The following PCDHGB4 variants were observed in gnomAD, a reference collection of about 807,000 sequenced individuals.
PCDHGB4 encodes protocadherin gamma-B4.
In PCDHGB4, 38 loss-of-function variants were observed where a neutral mutation model predicts 60.5. That is an observed-to-expected ratio of 0.63 (90% CI 0.48 to 0.82). The LOEUF is 0.82. Ranked by LOEUF, PCDHGB4 falls within the 40% of genes least tolerant of loss-of-function variation. PCDHGB4 has a pLI of 0.00. For missense variants in PCDHGB4, 1,109 were observed against 1,209.6 expected (o/e 0.92, Z 1.23); for synonymous variants, 456 against 509.7 (o/e 0.89, Z 1.42).
intron 1 of PCDHGB4, chr5:141,398,523 A>T (rs988295276): frequency 6.2e-7 from 1 of 1,613,602 alleles, no homozygotes; most frequent in Non-Finnish European, 8.5e-7. Context: ...ACACGCCAAA[A>T]TTCACGCAAA....
intron 1 of PCDHGB4, chr5:141,415,324 G>A (rs2095854761): frequency 1.9e-6 from 3 of 1,614,108 alleles, no homozygotes; most frequent in African/African-American, 2.7e-5. Flanking sequence ...CGTGCTGCTG[G>A]CGCACAGGCT....
At position 141,496,642 on chromosome 5, in the gene PCDHGB4, G is replaced by C. The variant is rs1053400475; in HGVS notation, c.2456+1777G>C. Among the ~76,000 whole-genome samples the C allele has an allele frequency of 6.6e-5, 10 of 152,318 alleles. No individual in the cohort carries two copies. In the East Asian group the frequency reaches 1.5e-3, roughly 24 times the overall value. ...AGATCAAAAGGCTTGGGCTGCCCTT[G>C]CCCTTCCTTTGACCCCAGCTGTTGT... On this transcript the variant is annotated intron_variant, in intron 2 of 3. Transcript: ENST00000519479.
chr5:141,405,398 CT>C, intron 1 of PCDHGB4: 1 of 1,590,264 alleles, frequency 6.3e-7, no homozygotes, highest in Non-Finnish European at 8.6e-7. Context: ...TTTTTTCTTT[CT>C]TTCTTTTCTT....
At chr5:141,426,538 C>T (rs1038881219) in intron 1 of PCDHGB4, 2 of 346,308 alleles carry the variant, frequency 5.8e-6, no homozygotes, top group Non-Finnish European at 1.2e-5. Context: ...TGGGAACATA[C>T]TTGTGAGTGA....
intron 1 of PCDHGB4, chr5:141,422,401 C>G: frequency 6.3e-7 from 1 of 1,598,896 alleles, no homozygotes; most frequent in Non-Finnish European, 8.5e-7. Context: ...TAACCACCTG[C>G]CTTTTAAATT....
chr5:141,510,529 A>G (rs2099881539), intron 3 of PCDHGB4, among the ~76,000 whole-genome samples: 2 of 152,242 alleles, frequency 1.3e-5, no homozygotes, highest in Admixed American at 6.5e-5. Flanking sequence ...CCCTGAGAGA[A>G]ATACCAGCGA....
chr5:141,444,341 T>C (rs909401337), intron 1 of PCDHGB4, among the ~76,000 whole-genome samples: 2 of 151,892 alleles, frequency 1.3e-5, no homozygotes, highest in African/African-American at 4.8e-5. Context: ...CCAGCTAATT[T>C]TGTATTTTTA....
At chr5:141,409,687 C>A (rs1190888512) in intron 1 of PCDHGB4, 2 of 1,613,202 alleles carry the variant, frequency 1.2e-6, no homozygotes, top group East Asian at 4.5e-5. Context: ...TGGCGAGTGA[C>A]CTAGAGCCCC....
chr5:141,450,565 C>A (rs1024229182), intron 1 of PCDHGB4, among the ~76,000 whole-genome samples: 4 of 152,016 alleles, frequency 2.6e-5, no homozygotes, highest in African/African-American at 9.7e-5. Flanking sequence ...CGGCTCACTG[C>A]AACTTCTGCC....
rs760680204 is a variant in PCDHGB4, at chr5:141,477,505, CG to C, written c.2398-17301del. ...CACAATCTTCTCAATCTTCCTACGA[CG>C]TTTACATTGAAGAAAACAACCTCCC... On this transcript the variant is annotated intron_variant, in intron 1 of 3. Coordinates refer to ENST00000519479, the MANE Select transcript of PCDHGB4 (RefSeq NM_003736.4). The surrounding 1 kb of genome is among the most constrained non-coding windows in gnomAD (Gnocchi z 4.9). The C allele has an allele frequency of 1.2e-5, 19 of 1,614,008 alleles. No individual in the cohort carries two copies. The highest frequency in any genetic ancestry group is 8.5e-7 in the Non-Finnish European group (1 of 1,180,018).
chr5:141,423,573 C>G, intron 1 of PCDHGB4: 1 of 1,613,488 alleles, frequency 6.2e-7, no homozygotes, highest in South Asian at 1.1e-5. Context: ...CGCTCATCAG[C>G]CAGGAGAGCT....
At chr5:141,419,273 G>A (rs751868316) in intron 1 of PCDHGB4, 2 of 1,614,034 alleles carry the variant, frequency 1.2e-6, no homozygotes, top group South Asian at 1.1e-5. Flanking sequence ...TGCCTCCATA[G>A]CGCAAGTCAG....
intron 1 of PCDHGB4, chr5:141,427,535 C>T (rs746067304): frequency 8.0e-6 from 5 of 626,498 alleles, no homozygotes; most frequent in South Asian, 7.6e-5. Flanking sequence ...CGGAGTACAA[C>T]GTCACCATCA....
chr5:141,413,387 T>G (rs902208287), intron 1 of PCDHGB4: 1 of 1,613,908 alleles, frequency 6.2e-7, no homozygotes, highest in Non-Finnish European at 8.5e-7. Context: ...GTCCGCATAG[T>G]CTCCAGAGGT....
chr5:141,418,946 G>T (rs2096305161), intron 1 of PCDHGB4: 1 of 1,613,900 alleles, frequency 6.2e-7, no homozygotes, highest in African/African-American at 1.3e-5. Context: ...TTCCCCTCCA[G>T]GAGTGGTTGT....
chr5:141,407,591 C>T (rs878883569), intron 1 of PCDHGB4, among the ~76,000 whole-genome samples: 1 of 151,680 alleles, frequency 6.6e-6, no homozygotes, highest in Non-Finnish European at 1.5e-5. Flanking sequence ...CTTAATGTCT[C>T]ATCTTAAAAA....
chr5:141,433,935 T>C (rs2097665519), intron 1 of PCDHGB4, among the ~76,000 whole-genome samples: 1 of 152,150 alleles, frequency 6.6e-6, no homozygotes, highest in African/African-American at 2.4e-5. Context: ...GATTTTATAA[T>C]TCCATTGTTT....
At chr5:141,480,398 G>C (rs2099518275) in intron 1 of PCDHGB4, among the ~76,000 whole-genome samples, 1 of 149,050 alleles carries the variant, frequency 6.7e-6, no homozygotes, top group Non-Finnish European at 1.5e-5. Context: ...CATGGCAATA[G>C]AGTGAGACCC....
chr5:141,482,530 CAAAAA>C (rs3074545), intron 1 of PCDHGB4, among the ~76,000 whole-genome samples: 1 of 76,558 alleles, frequency 1.3e-5, no homozygotes, highest in African/African-American at 4.8e-5. Context: ...GACAGACATG[CAAAAA>C]AAAAAAAAAA....
Sources: gnomAD v4.1 joint callset for allele counts (sites outside exome capture counted in the v4.1 genomes callset) on GRCh38, gnomAD v4.1.1 for gene constraint, Gnocchi (gnomAD v3.1) non-coding constraint, MANE v1.5 for transcripts, NCBI Gene and HGNC (gene_info 2026-07-23, HGNC 2026-07-21) for gene names.